TBC1D2: variants seen among roughly 807,000 people sequenced by gnomAD.
TBC1D2 encodes the protein TBC1 domain family member 2A.
A neutral mutation model predicts 91.1 loss-of-function variants in TBC1D2; 58 were observed. That is an observed-to-expected ratio of 0.64 (90% CI 0.52 to 0.79). The LOEUF (loss-of-function observed/expected upper bound fraction) is 0.79. Ranked by LOEUF, TBC1D2 falls within the 30% of genes least tolerant of loss-of-function variation. The pLI is 0.00. For missense variants in TBC1D2, 1,080 were observed against 1,208.3 expected (o/e 0.89, Z 1.57); for synonymous variants, 482 against 511.5 (o/e 0.94, Z 0.78).
intron 11 of TBC1D2, 32 bp from the exon 12 acceptor site, chr9:98,200,406 T>A (rs1264887615): frequency 8.4e-7 from 1 of 1,193,046 alleles, no homozygotes; most frequent in Admixed American, 2.5e-5. Flanking sequence ...AGGTAGGGCA[T>A]GGGGGGGCCA....
intron 3 of TBC1D2, among the ~76,000 whole-genome samples, chr9:98,240,586 T>C (rs10985573): frequency 0.099 from 15,103 of 152,228 alleles, 878 homozygotes; most frequent in Middle Eastern, 0.14. Flanking sequence ...CACAGGGCCA[T>C]ATCCCTATAG....
intron 4 of TBC1D2, among the ~76,000 whole-genome samples, chr9:98,232,149 A>G (rs1829383109): frequency 6.6e-6 from 1 of 152,158 alleles, no homozygotes; most frequent in African/African-American, 2.4e-5. Context: ...ACATGAATAT[A>G]TCTTAATAAA....
chr9:98,222,972 T>A (rs769448467), intron 5 of TBC1D2, among the ~76,000 whole-genome samples: 4 of 152,220 alleles, frequency 2.6e-5, no homozygotes, highest in Non-Finnish European at 4.4e-5. Flanking sequence ...TGCCCATCCA[T>A]CCATCCAACC....
chr9:98,200,909 C>T (rs917561107), intron 11 of TBC1D2, among the ~76,000 whole-genome samples: 4 of 151,512 alleles, frequency 2.6e-5, no homozygotes, highest in East Asian at 1.9e-4. Flanking sequence ...CCAGCTACTC[C>T]GGAGGTTGAG....
chr9:98,228,809 C>G lies in TBC1D2; in HGVS notation c.978+143G>C. The G allele has an allele frequency of 4.0e-6, 3 of 758,730 alleles. No individual in the cohort carries two copies. The highest frequency in any genetic ancestry group is 3.8e-5 in the South Asian group (2 of 53,078). 47.0% of individuals were successfully genotyped at this position (758,730 alleles called of 1,614,324 possible). Reference sequence around the variant, plus strand: ...TTCTTGAGTAATCAACAGCATATTTCAACATTCTGCAGTTTGGCCTTTAAA... The same window carrying G: ...TTCTTGAGTAATCAACAGCATATTTGAACATTCTGCAGTTTGGCCTTTAAA... On this transcript the variant is annotated intron_variant, in intron 5 of 12. Coordinates refer to ENST00000465784, the MANE Select transcript of TBC1D2 (RefSeq NM_001267571.2). This position sits in a 1 kb window ranked among gnomAD's most constrained non-coding sequence, Gnocchi z 4.0.
At chr9:98,248,346 C>T (rs1829807842) in intron 2 of TBC1D2, among the ~76,000 whole-genome samples, 1 of 152,272 alleles carries the variant, frequency 6.6e-6, no homozygotes, top group Non-Finnish European at 1.5e-5. Context: ...CAGTCTGGGG[C>T]ACCCTGGAGA....
chr9:98,222,832 T>C (rs1052566784), intron 5 of TBC1D2, among the ~76,000 whole-genome samples: 2 of 152,256 alleles, frequency 1.3e-5, no homozygotes, highest in African/African-American at 4.8e-5. Flanking sequence ...AACAATTCTA[T>C]ATTGGAGGAA....
At position 98,210,734 on chromosome 9, in the gene TBC1D2, A is replaced by G. The variant is rs771744785; in HGVS notation, c.1595T>C (p.Leu532Pro). Residue 532 changes from leucine (L) to proline (P), a missense_variant, in exon 8 of 13, where the codon CTG becomes CCG. Physicochemically the swap from Leu to Pro is moderately conservative, Grantham distance 98. Transcript: ENST00000465784. ...CAGTGCCTCCTGGACAAGCTGCCTC[A>G]GCAGCTCTGAGCACTCGCTGGCTTC... is the stretch of plus-strand genomic sequence containing the variant. ...GDEASECSELLRQLVQEALQW... is the reference protein window; with the variant it reads ...GDEASECSELPRQLVQEALQW... 22 of 1,588,954 alleles carry G rather than the reference A, an allele frequency of 1.4e-5. No individual in the cohort carries two copies. In the African/African-American group the frequency reaches 2.8e-4, roughly 20 times the overall value.
intron 3 of TBC1D2, chr9:98,235,311 A>G (rs913053152): frequency 4.4e-5 from 18 of 405,182 alleles, no homozygotes; most frequent in African/African-American, 3.3e-4. Flanking sequence ...GATGGTGCAG[A>G]TCGTGAGAAG....
At chr9:98,210,417 T>C (rs942166) in intron 8 of TBC1D2, among the ~76,000 whole-genome samples, 94,480 of 152,004 alleles carry the variant, frequency 0.62, 30,019 homozygotes, top group African/African-American at 0.76. Flanking sequence ...CCTAGATAAA[T>C]GGAAAGCATG....
intron 2 of TBC1D2, among the ~76,000 whole-genome samples, chr9:98,251,106 G>A (rs112480003): frequency 0.049 from 7,467 of 152,134 alleles, 369 homozygotes; most frequent in African/African-American, 0.13. Context: ...CCAAGATGGT[G>A]AAACCCCATC....
At chr9:98,245,194 C>T (rs772662190) in intron 2 of TBC1D2, among the ~76,000 whole-genome samples, 2 of 151,160 alleles carry the variant, frequency 1.3e-5, no homozygotes, top group Non-Finnish European at 2.9e-5. Context: ...GAGCCTAGAT[C>T]GTGCCACTGC....
chr9:98,251,652 A>G lies in TBC1D2; in HGVS notation c.511+133T>C, dbSNP rs1368785593. 4.9e-5 allele frequency: 66 copies of G among 1,338,518 alleles called. 1 individual carries two copies. The Admixed American group carries it at 2.2e-3, about 45-fold the overall frequency. 82.9% of individuals were successfully genotyped at this position (1,338,518 alleles called of 1,614,324 possible). A position where few individuals can be genotyped will look rare whatever the true frequency, so the allele number is the denominator to read the frequency against. On this transcript the variant is annotated intron_variant, in intron 2 of 12. Transcript: ENST00000465784. ...GGCCTCAGCCCAAATTCTTGCCCTA[A>G]CTAATCCTGAGTCATATCCCTGGCT...
chr9:98,212,272 C>A (rs565260353), intron 7 of TBC1D2, among the ~76,000 whole-genome samples: 44 of 152,256 alleles, frequency 2.9e-4, no homozygotes, highest in African/African-American at 1.0e-3. Context: ...GAGTAAATTC[C>A]AAACTCCTCA....
chr9:98,250,529 G>A (rs1395821567), intron 2 of TBC1D2, among the ~76,000 whole-genome samples: 1 of 152,068 alleles, frequency 6.6e-6, no homozygotes, highest in African/African-American at 2.4e-5. Context: ...GTGATTGACT[G>A]GACTCACTGG....
chr9:98,218,508 A>G (rs1829022328), intron 6 of TBC1D2, among the ~76,000 whole-genome samples: 1 of 152,118 alleles, frequency 6.6e-6, no homozygotes, highest in South Asian at 2.1e-4. Flanking sequence ...CGGAGCTTGC[A>G]GTGAGCCGAG....
chr9:98,203,518 C>T (rs1011582306), intron 9 of TBC1D2, 110 bp from the exon 10 acceptor site: 4 of 1,484,652 alleles, frequency 2.7e-6, no homozygotes, highest in African/African-American at 2.8e-5. Flanking sequence ...TCCATGTGAG[C>T]ATCAGTGCAA....
intron 3 of TBC1D2, among the ~76,000 whole-genome samples, chr9:98,239,872 T>A (rs1411313377): frequency 6.6e-6 from 1 of 152,224 alleles, no homozygotes; most frequent in Non-Finnish European, 1.5e-5. Flanking sequence ...TTAGGTCTTT[T>A]TAGATTTTCT....
chr9:98,229,813 T>C (rs568935621), intron 4 of TBC1D2, among the ~76,000 whole-genome samples: 1 of 152,348 alleles, frequency 6.6e-6, no homozygotes, highest in African/African-American at 2.4e-5. Flanking sequence ...CTTTTACAAA[T>C]AAAGCTTTAT....
Sources: allele counts gnomAD v4.1 joint callset (sites outside exome capture counted in the v4.1 genomes callset), GRCh38; gene constraint gnomAD v4.1.1; non-coding constraint Gnocchi (gnomAD v3.1); transcripts MANE v1.5; gene names NCBI Gene and HGNC (gene_info 2026-07-23, HGNC 2026-07-21).